PPFIA4: variants seen among roughly 807,000 people sequenced by gnomAD.
The protein encoded by PPFIA4 is liprin-alpha-4.
In PPFIA4, 98 loss-of-function variants were observed where a neutral mutation model predicts 145.7. That is an observed-to-expected ratio of 0.67 (90% CI 0.57 to 0.80). PPFIA4 has a LOEUF of 0.80. Ranked by LOEUF, PPFIA4 falls within the 30% of genes least tolerant of loss-of-function variation. The probability of loss-of-function intolerance (pLI) is 0.00; values close to 1 mark genes in which losing one functional copy is unlikely to be tolerated. For missense variants in PPFIA4, 1,457 were observed against 1,632.7 expected, an observed-to-expected ratio of 0.89 and a Z score of 1.85; for synonymous variants, 628 against 649.6, an observed-to-expected ratio of 0.97 and a Z score of 0.51.
chr1:203,075,116 C>T lies in PPFIA4; in HGVS notation c.3394-461C>T, dbSNP rs1166590252. Among the ~76,000 whole-genome samples the T allele has an allele frequency of 6.6e-6, 1 of 152,116 alleles. No homozygotes were observed. The highest frequency in any genetic ancestry group is 1.5e-5 in the Non-Finnish European group (1 of 68,012). The stretch of plus-strand genomic sequence containing the variant: ...GGATTAGAAGCCAGGTGTCTGACTC[C>T]CGCCCGACATAGTACTCTTCTGGTA... On this transcript the variant is annotated intron_variant, in intron 28 of 29. Transcript: ENST00000295706. This position sits in a 1 kb window ranked among gnomAD's most constrained non-coding sequence, Gnocchi z 4.1.
chr1:203,046,056 G>A, intron 8 of PPFIA4, 69 bp downstream of exon 8: 1 of 1,602,288 alleles, frequency 6.2e-7, no homozygotes, highest in Admixed American at 1.7e-5. Flanking sequence ...TGAACCTACT[G>A]GTGATGGCTG....
chr1:203,048,935 G>A lies in PPFIA4; in HGVS notation c.1374G>A (p.Glu458=). Residue 458 remains glutamate, a synonymous_variant, in exon 12 of 30, where the codon GAG becomes GAA. Transcript: ENST00000295706. The surrounding 1 kb of genome is among the most constrained non-coding windows in gnomAD (Gnocchi z 5.8). Reference sequence around the variant, plus strand: ...TCCCCCAGAACACGTTGATCCAGGAGTTGGAGAGCTCCCAGCGGCAGATTG... The same window carrying A: ...TCCCCCAGAACACGTTGATCCAGGAATTGGAGAGCTCCCAGCGGCAGATTG... ...ALEEKNTLIQ[E]LESSQRQIEE... 1.3e-6 allele frequency: 2 copies of A among 1,548,572 alleles called. No individual in the cohort carries two copies. Among genetic ancestry groups the A allele is most frequent in the Non-Finnish European group, 1.7e-6 (2 of 1,146,864 alleles).
chr1:203,049,282 G>T (rs1229808586), intron 12 of PPFIA4, among the ~76,000 whole-genome samples: 1 of 152,204 alleles, frequency 6.6e-6, no homozygotes, highest in Non-Finnish European at 1.5e-5. Flanking sequence ...TGCAGCCAGA[G>T]CCTGGTGATT....
In PPFIA4 at chr1:203,038,919, GA is replaced by G; in HGVS notation, c.-89del. 2 of 684,928 alleles carry G rather than the reference GA, an allele frequency of 2.9e-6. No individual in the cohort carries two copies. Among genetic ancestry groups the G allele is most frequent in the Non-Finnish European group, 5.0e-6 (2 of 396,520 alleles). 42.4% of individuals were successfully genotyped at this position (684,928 alleles called of 1,614,324 possible). ...CCACTCGCCTGGCACTGCCCACTCT[GA>G]GACCCATGCACTGGGTTCCCCTGGA... On this transcript the variant is annotated 5_prime_UTR_variant, in exon 2 of 30. An upstream open reading frame in the 5' UTR loses its in-frame stop. Transcript: ENST00000295706.
chr1:203,074,530 G>A (rs72754799), intron 28 of PPFIA4, among the ~76,000 whole-genome samples: 20,858 of 152,064 alleles, frequency 0.14, 1,828 homozygotes, highest in Middle Eastern at 0.27. Context: ...TGCTGTGACC[G>A]AGAGGTACAT....
intron 15 of PPFIA4, among the ~76,000 whole-genome samples, chr1:203,054,671 G>GACACACACACAC (rs57027876): frequency 1.3e-5 from 2 of 148,416 alleles, no homozygotes; most frequent in African/African-American, 5.0e-5. Context: ...TTACAAAGAA[G>GACACACACACAC]ACACACACAC....
At chr1:203,032,810 G>A (rs1571654647) in intron 1 of PPFIA4, among the ~76,000 whole-genome samples, 1 of 152,026 alleles carries the variant, frequency 6.6e-6, no homozygotes, top group Admixed American at 6.5e-5. Context: ...CATATGGCTA[G>A]GTGAAACCTG....
At chr1:203,037,359 A>G (rs1659357506) in intron 1 of PPFIA4, among the ~76,000 whole-genome samples, 1 of 152,292 alleles carries the variant, frequency 6.6e-6, no homozygotes. Flanking sequence ...GAGGGTAGAC[A>G]GAAGGCTTTC....
chr1:203,038,954 C>T lies in PPFIA4; in HGVS notation c.-55C>T. 1.0e-6 allele frequency: 1 copy of T among 1,004,500 alleles called. No individual in the cohort carries two copies. The highest frequency in any genetic ancestry group is 1.5e-6 in the Non-Finnish European group (1 of 677,608). The allele number at this position is 1,004,500 out of a possible 1,614,324, so 62.2% of individuals were successfully genotyped here. ...CACTGGGTTCCCCTGGAGGTGCCAA[C>T]CCTGTGAGTCCCTCCCTGTCCCCTG... On this transcript the variant is annotated 5_prime_UTR_variant, in exon 2 of 30. Coordinates refer to ENST00000295706, the MANE Select transcript of PPFIA4 (RefSeq NM_001304331.2).
rs1373933814 is a variant in PPFIA4, at chr1:203,044,688, C to T, written c.577-8C>T. 6.5e-7 allele frequency: 1 copy of T among 1,549,164 alleles called. No individual in the cohort carries two copies. Among genetic ancestry groups the T allele is most frequent in the Non-Finnish European group, 8.7e-7 (1 of 1,146,676 alleles). On this transcript the variant is annotated splice_region_variant and splice_polypyrimidine_tract_variant and intron_variant, in intron 5 of 29. Coordinates refer to ENST00000295706, the MANE Select transcript of PPFIA4 (RefSeq NM_001304331.2). ...TTGACTCATTGCCCTGGGGCTTGTGCCCTACAGGTGTCTGCCCTGCAGCAG... is the reference window on the plus strand; with the variant it reads ...TTGACTCATTGCCCTGGGGCTTGTGTCCTACAGGTGTCTGCCCTGCAGCAG...
chr1:203,051,533 G>A (rs984908965), intron 13 of PPFIA4: 7 of 783,740 alleles, frequency 8.9e-6, no homozygotes, highest in Admixed American at 8.1e-5. Flanking sequence ...TATGCCAGAC[G>A]GAAAACCGCT....
rs959540435 is a variant in PPFIA4 at position 203,048,668 on chromosome 1, G to A, written c.1310G>A (p.Arg437His). ...VDRLLSESNE[R>H]LQLHLKERMA... Reference sequence around the variant, plus strand: ...CGGCTGCTCAGCGAGTCCAACGAGCGTCTGCAGCTCCACCTGAAGGAGCGC... The same window carrying A: ...CGGCTGCTCAGCGAGTCCAACGAGCATCTGCAGCTCCACCTGAAGGAGCGC... Residue 437 changes from arginine to histidine, a missense_variant, in exon 11 of 30, where the codon CGT (arginine) becomes CAT (histidine). Coordinates refer to ENST00000295706, the MANE Select transcript of PPFIA4 (RefSeq NM_001304331.2). The surrounding 1 kb of genome is among the most constrained non-coding windows in gnomAD (Gnocchi z 5.8). 1.1e-5 allele frequency: 18 copies of A among 1,609,494 alleles called. No homozygotes were observed. The highest frequency in any genetic ancestry group is 2.2e-5 in the East Asian group (1 of 44,682).
At chr1:203,062,204 G>C (rs1428750071) in intron 24 of PPFIA4, among the ~76,000 whole-genome samples, 1 of 151,650 alleles carries the variant, frequency 6.6e-6, no homozygotes, top group Non-Finnish European at 1.5e-5. Context: ...TCGGCTGGGC[G>C]CGGTGGCTGA....
rs966350267 is a variant in PPFIA4 at position 203,050,918 on chromosome 1, C to T, written c.1512-851C>T. ...CTTAATGGTTGGGAATGCTTGGGTT[C>T]GACTATAGAATCATTGGATTCATCG... On this transcript the variant is annotated intron_variant, in intron 13 of 29. Transcript: ENST00000295706. Among the ~76,000 whole-genome samples the T allele has an allele frequency of 5.3e-5, 8 of 149,930 alleles. No individual in the cohort carries two copies. In the East Asian group the frequency reaches 1.2e-3, roughly 22 times the overall value.
chr1:203,069,075 C>T (rs956724890), intron 27 of PPFIA4, among the ~76,000 whole-genome samples: 4 of 152,202 alleles, frequency 2.6e-5, no homozygotes, highest in African/African-American at 9.7e-5. Context: ...CCTGGGCCCC[C>T]AGCCTTAAAA....
chr1:203,037,126 C>T (rs1020115478), intron 1 of PPFIA4: 12 of 311,078 alleles, frequency 3.9e-5, no homozygotes, highest in Non-Finnish European at 7.5e-5. Context: ...GATCTAGACC[C>T]CACATTGCTC....
chr1:203,061,533 C>A, intron 23 of PPFIA4, 119 bp from the exon 24 acceptor site: 1 of 1,044,010 alleles, frequency 9.6e-7, no homozygotes, highest in Non-Finnish European at 1.3e-6. Flanking sequence ...GAGCTTTCCC[C>A]AGTCACCCAG....
chr1:203,067,083 G>A (rs923876137), intron 25 of PPFIA4, among the ~76,000 whole-genome samples: 6 of 152,190 alleles, frequency 3.9e-5, no homozygotes, highest in Non-Finnish European at 5.9e-5. Context: ...AAGACTTAAT[G>A]GAGGCAAAAG....
chr1:203,035,527 T>C (rs1204282831), intron 1 of PPFIA4: 3 of 456,294 alleles, frequency 6.6e-6, no homozygotes, highest in South Asian at 1.5e-5. Flanking sequence ...TCACACCCAC[T>C]CACTCTTGAG....
Sources: gnomAD v4.1 joint callset for allele counts (sites outside exome capture counted in the v4.1 genomes callset) on GRCh38, gnomAD v4.1.1 for gene constraint, Gnocchi (gnomAD v3.1) non-coding constraint, MANE v1.5 for transcripts, NCBI Gene and HGNC (gene_info 2026-07-23, HGNC 2026-07-21) for gene names.